Variants in MAD1L1 observed in about 807,000 individuals in gnomAD.
The protein encoded by MAD1L1 is mitotic arrest deficient 1 like 1, also known as mitotic spindle assembly checkpoint protein MAD1.
Under a neutral mutation model 96.9 loss-of-function variants are expected in MAD1L1, and 95 were observed. The observed-to-expected ratio is 0.98, with a 90% CI of 0.83 to 1.16. The LOEUF (loss-of-function observed/expected upper bound fraction) is 1.16, where lower values mean the gene tolerates loss of function less well. Ranked by LOEUF, MAD1L1 falls within the 50% of genes most tolerant of loss-of-function variation. The pLI, the probability that MAD1L1 is intolerant of heterozygous loss-of-function variation, is 0.00. For missense variants in MAD1L1, 1,007 were observed against 954.4 expected (o/e 1.06, Z -0.73); for synonymous variants, 473 against 396.6 (o/e 1.19, Z -2.29).
intron 12 of MAD1L1, among the ~76,000 whole-genome samples, chr7:2,032,791 C>T (rs1783287859): frequency 6.6e-6 from 1 of 152,222 alleles, no homozygotes; most frequent in Non-Finnish European, 1.5e-5. Flanking sequence ...CCGGCCTGCT[C>T]TCCCAGAACT....
chr7:1,959,008 T>C (rs1047525686), intron 15 of MAD1L1, among the ~76,000 whole-genome samples: 15 of 152,150 alleles, frequency 9.9e-5, no homozygotes, highest in Admixed American at 8.5e-4. Flanking sequence ...TCCCAGCACT[T>C]TGGGAGGCCA....
chr7:2,055,095 A>G (rs1480524675), intron 12 of MAD1L1, among the ~76,000 whole-genome samples: 6 of 152,212 alleles, frequency 3.9e-5, no homozygotes, highest in African/African-American at 1.4e-4. Context: ...AGACAGAGGA[A>G]GCGGGGCCAA....
intron 18 of MAD1L1, among the ~76,000 whole-genome samples, chr7:1,841,837 T>C (rs1445889823): frequency 6.6e-6 from 1 of 152,242 alleles, no homozygotes; most frequent in Non-Finnish European, 1.5e-5. Flanking sequence ...GCCTCGCTTC[T>C]GCCCTCGCAT....
At chr7:2,218,174 C>T (rs2114999348) in intron 6 of MAD1L1, 131 bp from the exon 7 acceptor site, 5 of 673,280 alleles carry the variant, frequency 7.4e-6, no homozygotes, top group Middle Eastern at 3.1e-4. Context: ...GGACCTCCCA[C>T]GGCACAGACC....
At chr7:1,993,414 C>G (rs995606759) in intron 14 of MAD1L1, among the ~76,000 whole-genome samples, 1 of 152,068 alleles carries the variant, frequency 6.6e-6, no homozygotes, top group Non-Finnish European at 1.5e-5. Context: ...TAAAGTTTAC[C>G]GGAAAAAACA....
chr7:1,993,957 T>G (rs932339680), intron 14 of MAD1L1, among the ~76,000 whole-genome samples: 2 of 152,148 alleles, frequency 1.3e-5, no homozygotes, highest in Admixed American at 1.3e-4. Flanking sequence ...CAGCCTGATA[T>G]GAGGAAGCCC....
intron 13 of MAD1L1, among the ~76,000 whole-genome samples, chr7:2,004,507 C>A (rs779610880): frequency 6.6e-6 from 1 of 152,214 alleles, no homozygotes; most frequent in Non-Finnish European, 1.5e-5. Context: ...GAGGCAGGGT[C>A]GTCCGGAAGC....
intron 10 of MAD1L1, among the ~76,000 whole-genome samples, chr7:2,187,005 C>A (rs111894986): frequency 0.016 from 2,385 of 151,770 alleles, 65 homozygotes; most frequent in African/African-American, 0.055. Flanking sequence ...GTTGGCCAGG[C>A]TGATCTTGAA....
chr7:2,147,300 A>G (rs1168665229), intron 11 of MAD1L1, among the ~76,000 whole-genome samples: 1 of 152,196 alleles, frequency 6.6e-6, no homozygotes, highest in African/African-American at 2.4e-5. Flanking sequence ...TCACGCCCAG[A>G]GGCCTCCTGC....
intron 11 of MAD1L1, among the ~76,000 whole-genome samples, chr7:2,075,447 T>C (rs1408954048): frequency 6.6e-6 from 1 of 152,166 alleles, no homozygotes; most frequent in Non-Finnish European, 1.5e-5. Flanking sequence ...CGGCCTTTCT[T>C]CTGAGGTACA....
At chr7:1,916,672 G>A (rs1352830458) in intron 17 of MAD1L1, among the ~76,000 whole-genome samples, 1 of 152,162 alleles carries the variant, frequency 6.6e-6, no homozygotes, top group African/African-American at 2.4e-5. Context: ...ATGATCACTG[G>A]CGGGGAGATG....
chr7:1,833,545 C>T (rs544585723), intron 18 of MAD1L1, among the ~76,000 whole-genome samples: 1 of 152,300 alleles, frequency 6.6e-6, no homozygotes, highest in East Asian at 1.9e-4. Context: ...TACTTGACAT[C>T]GATATAGCAC....
intron 11 of MAD1L1, among the ~76,000 whole-genome samples, chr7:2,097,187 G>A (rs1004688232): frequency 5.3e-5 from 8 of 149,888 alleles, no homozygotes; most frequent in South Asian, 2.1e-4. Flanking sequence ...ACCCCACGGC[G>A]CCCAGGCACG....
At chr7:2,163,586 G>C (rs920460675) in intron 10 of MAD1L1, among the ~76,000 whole-genome samples, 1 of 152,108 alleles carries the variant, frequency 6.6e-6, no homozygotes. Flanking sequence ...TGTTGGCCAG[G>C]CTGGTCTCCA....
Position 1,989,638 on chromosome 7 carries a change from T to TCAGCGTGGACCAGCCC in MAD1L1, c.1417-9113_1417-9098dup, listed in dbSNP as rs955850112. Among the ~76,000 whole-genome samples the TCAGCGTGGACCAGCCC allele has an allele frequency of 3.4e-4, 52 of 152,146 alleles. 2 individuals are homozygous for TCAGCGTGGACCAGCCC. Among genetic ancestry groups the TCAGCGTGGACCAGCCC allele is most frequent in the East Asian group, 2.5e-3 (13 of 5,180 alleles). On this transcript the variant is annotated intron_variant, in intron 14 of 18. Transcript: ENST00000265854. ...CAGACGTCCCGGCAGCGCTCCAGCC[T>TCAGCGTGGACCAGCCC]CAGCGTGGACCAGCCCCAGCGTGGA...
chr7:2,108,834 G>T (rs946491172), intron 11 of MAD1L1, among the ~76,000 whole-genome samples: 17 of 152,196 alleles, frequency 1.1e-4, no homozygotes, highest in Non-Finnish European at 2.1e-4. Flanking sequence ...TGTCAGAAAT[G>T]GGCCCAGGTG....
chr7:2,094,880 T>C (rs1464977603), intron 11 of MAD1L1, among the ~76,000 whole-genome samples: 1 of 152,200 alleles, frequency 6.6e-6, no homozygotes, highest in Non-Finnish European at 1.5e-5. Flanking sequence ...CAGGAGGGAC[T>C]CAGCTGATCA....
At chr7:1,955,693 C>A (rs766576879) in intron 16 of MAD1L1, among the ~76,000 whole-genome samples, 1 of 152,152 alleles carries the variant, frequency 6.6e-6, no homozygotes, top group Admixed American at 6.5e-5. Context: ...GCAGGCCCCT[C>A]CCCCGGTTCC....
intron 10 of MAD1L1, among the ~76,000 whole-genome samples, chr7:2,190,652 A>G (rs1791674725): frequency 6.6e-6 from 1 of 152,206 alleles, no homozygotes; most frequent in Admixed American, 6.5e-5. Flanking sequence ...CTTTGAAAAG[A>G]CACTTCACAA....
Sources: gnomAD v4.1 joint callset for allele counts (sites outside exome capture counted in the v4.1 genomes callset) on GRCh38, gnomAD v4.1.1 for gene constraint, MANE v1.5 for transcripts, NCBI Gene and HGNC (gene_info 2026-07-23, HGNC 2026-07-21) for gene names.